The following LONP2 variants were observed in gnomAD, a reference collection of about 807,000 sequenced individuals.
LONP2 encodes lon peptidase 2, peroxisomal, also known as lon protease homolog 2, peroxisomal.
LONP2 carries 60 observed loss-of-function variants against 85.6 expected under a neutral mutation model. The ratio of observed to expected loss-of-function variants is 0.70; its 90% CI spans 0.57 to 0.87. The LOEUF (loss-of-function observed/expected upper bound fraction) is 0.87. Ranked by LOEUF, LONP2 falls within the 40% of genes least tolerant of loss-of-function variation. The pLI, the probability that LONP2 is intolerant of heterozygous loss-of-function variation, is 0.00. For synonymous variants in LONP2, 395 were observed against 389.7 expected, an observed-to-expected ratio of 1.01 and a Z score of -0.16; for missense variants, 860 against 1,063.5, an observed-to-expected ratio of 0.81 and a Z score of 2.66.
At chr16:48,250,100 G>A (rs1243853267) in intron 1 of LONP2, among the ~76,000 whole-genome samples, 2 of 151,848 alleles carry the variant, frequency 1.3e-5, no homozygotes, top group Non-Finnish European at 2.9e-5. Context: ...GCTGAGGCAC[G>A]AGAATCCCTT....
At chr16:48,326,186 T>C (rs1959232086) in intron 11 of LONP2, among the ~76,000 whole-genome samples, 1 of 152,230 alleles carries the variant, frequency 6.6e-6, no homozygotes, top group South Asian at 2.1e-4. Context: ...ATGCAGTCTA[T>C]ACATTCTCAA....
Position 48,356,744 on chromosome 16 carries a change from G to A in LONP2, c.*4942G>A. 3 of 319,144 alleles carry A rather than the reference G, an allele frequency of 9.4e-6. No individual in the cohort carries two copies. Among genetic ancestry groups the A allele is most frequent in the Admixed American group, 4.1e-5 (1 of 24,238 alleles). The allele number at this position is 319,144 out of a possible 1,614,324, so 19.8% of individuals were successfully genotyped here. On this transcript the variant is annotated 3_prime_UTR_variant, in exon 15 of 15. Coordinates refer to ENST00000285737, the MANE Select transcript of LONP2 (RefSeq NM_031490.5). ...TCATTGAGATGTTTTAAAAGTTACA[G>A]CAAAAGGACTTCTAAAACAATTTTA...
At chr16:48,334,140 T>C in intron 11 of LONP2, 76 bp from the exon 12 acceptor site, 1 of 1,422,840 alleles carries the variant, frequency 7.0e-7, no homozygotes, top group Admixed American at 1.9e-5. Context: ...TGGGCTTTTG[T>C]TTGATATTTA....
rs916392859 is a variant in LONP2 at position 48,362,579 on chromosome 16, T to TA, written c.*723dup. On this transcript the variant is annotated 3_prime_UTR_variant, in exon 5 of 5. Coordinates refer to the LONP2 transcript ENST00000565867. The surrounding 1 kb of genome is among the most constrained non-coding windows in gnomAD (Gnocchi z 4.2). ...AGAAAAATAGGATTAAAAAAGATATTAAAAAAATAAAATTACACTGAATGT... is the reference window on the plus strand; with the variant it reads ...AGAAAAATAGGATTAAAAAAGATATTAAAAAAAATAAAATTACACTGAATGT... The TA allele has an allele frequency of 4.0e-6, 3 of 749,384 alleles. No individual in the cohort carries two copies. The highest frequency in any genetic ancestry group is 2.9e-5 in the Admixed American group (1 of 33,926). The allele number at this position is 749,384 out of a possible 1,614,324, so 46.4% of individuals were successfully genotyped here.
At chr16:48,277,853 C>T (rs917076176) in intron 8 of LONP2, among the ~76,000 whole-genome samples, 1 of 151,302 alleles carries the variant, frequency 6.6e-6, no homozygotes, top group African/African-American at 2.4e-5. Context: ...AGTTGATTAA[C>T]CCTATTTTCA....
At chr16:48,303,357 C>CAGAAGAAGGTTGGGT in intron 11 of LONP2, 52 bp downstream of exon 11, 4 of 1,594,854 alleles carry the variant, frequency 2.5e-6, no homozygotes, top group Non-Finnish European at 3.4e-6. Flanking sequence ...GAGTGAGTGA[C>CAGAAGAAGGTTGGGT]AGAAGAAGGT....
chr16:48,359,735 A>G (rs1180011861), downstream of LONP2, among the ~76,000 whole-genome samples: 1 of 152,174 alleles, frequency 6.6e-6, no homozygotes, highest in East Asian at 1.9e-4. Context: ...AAAGCTCCAC[A>G]AGCACATTAT....
At chr16:48,255,738 A>G (rs889984234) in intron 2 of LONP2, among the ~76,000 whole-genome samples, 1 of 152,074 alleles carries the variant, frequency 6.6e-6, no homozygotes, top group Non-Finnish European at 1.5e-5. Context: ...AAGTCTCACA[A>G]GATCAGATGG....
At chr16:48,290,130 A>G (rs1208204013) in intron 8 of LONP2, among the ~76,000 whole-genome samples, 5 of 152,096 alleles carry the variant, frequency 3.3e-5, no homozygotes, top group Non-Finnish European at 7.4e-5. Flanking sequence ...AGTTATATTA[A>G]CCAGTTATGA....
chr16:48,283,089 A>G (rs140595959), intron 8 of LONP2, among the ~76,000 whole-genome samples: 146 of 152,356 alleles, frequency 9.6e-4, no homozygotes, highest in African/African-American at 3.2e-3. Flanking sequence ...CAAGGCCCTA[A>G]GGCTCTTCAG....
At chr16:48,324,614 A>G (rs1391892295) in intron 11 of LONP2, among the ~76,000 whole-genome samples, 1 of 152,210 alleles carries the variant, frequency 6.6e-6, no homozygotes, top group African/African-American at 2.4e-5. Context: ...AAGTATTTTG[A>G]TGATTTGTCA....
chr16:48,279,328 A>G (rs1234419581), intron 8 of LONP2, among the ~76,000 whole-genome samples: 1 of 152,166 alleles, frequency 6.6e-6, no homozygotes, highest in Non-Finnish European at 1.5e-5. Flanking sequence ...GAGTTCCACA[A>G]TAGAGTCAGC....
intron 12 of LONP2, among the ~76,000 whole-genome samples, chr16:48,342,000 T>G (rs1282641476): frequency 2.0e-5 from 3 of 152,118 alleles, no homozygotes; most frequent in Non-Finnish European, 4.4e-5. Context: ...TCAGGGAGCC[T>G]GCATGGAAAG....
At chr16:48,357,934 G>A (rs1307392344), downstream of LONP2, among the ~76,000 whole-genome samples, 3 of 152,190 alleles carry the variant, frequency 2.0e-5, no homozygotes, top group Non-Finnish European at 1.5e-5. Context: ...TCAAGTTTAA[G>A]GGTATAAAAG....
At chr16:48,333,801 TAGATC>T (rs149064072) in intron 11 of LONP2, among the ~76,000 whole-genome samples, 7,042 of 152,270 alleles carry the variant, frequency 0.046, 229 homozygotes, top group Middle Eastern at 0.15. Context: ...AGAGAATTGT[TAGATC>T]AGAGAATCCA....
chr16:48,285,499 T>A (rs1022605060), intron 8 of LONP2, among the ~76,000 whole-genome samples: 3 of 152,080 alleles, frequency 2.0e-5, no homozygotes, highest in Non-Finnish European at 2.9e-5. Context: ...GTCCCGTAGG[T>A]CTCTAAAGTG....
At chr16:48,278,911 A>C (rs1490758937) in intron 8 of LONP2, among the ~76,000 whole-genome samples, 1 of 152,010 alleles carries the variant, frequency 6.6e-6, no homozygotes, top group Non-Finnish European at 1.5e-5. Context: ...CTCTCCTATT[A>C]GTCTCCACTT....
At chr16:48,338,801 G>T (rs543727333) in intron 12 of LONP2, among the ~76,000 whole-genome samples, 220 of 152,208 alleles carry the variant, frequency 1.4e-3, no homozygotes, top group African/African-American at 5.0e-3. Flanking sequence ...ACAACTACTT[G>T]GGAGGCTGAG....
intron 11 of LONP2, among the ~76,000 whole-genome samples, chr16:48,326,536 G>A (rs1959242194): frequency 6.6e-6 from 1 of 152,070 alleles, no homozygotes; most frequent in Admixed American, 6.5e-5. Context: ...CTTGAATAAA[G>A]ATGATGATAG....
Sources: gnomAD v4.1 joint callset for allele counts (sites outside exome capture counted in the v4.1 genomes callset) on GRCh38, gnomAD v4.1.1 for gene constraint, Gnocchi (gnomAD v3.1) non-coding constraint, MANE v1.5 for transcripts, NCBI Gene and HGNC (gene_info 2026-07-23, HGNC 2026-07-21) for gene names.